TBC1D30: variants seen among roughly 807,000 people sequenced by gnomAD.
The protein encoded by TBC1D30 is TBC1 domain family member 30.
TBC1D30 carries 31 observed loss-of-function variants against 63.2 expected under a neutral mutation model. That is an observed-to-expected ratio of 0.49 (90% CI 0.37 to 0.66). The LOEUF (loss-of-function observed/expected upper bound fraction) is 0.66, where lower values mean the gene tolerates loss of function less well. TBC1D30 is among the 30% of genes least tolerant of loss of function. The probability of loss-of-function intolerance (pLI) is 0.00; values close to 1 mark genes in which losing one functional copy is unlikely to be tolerated. For synonymous variants in TBC1D30, 307 were observed against 361.5 expected (o/e 0.85, Z 1.71); for missense variants, 810 against 953.6 (o/e 0.85, Z 1.98).
At chr12:64,807,124 G>C (rs1381914578) in intron 2 of TBC1D30, among the ~76,000 whole-genome samples, 1 of 152,156 alleles carries the variant, frequency 6.6e-6, no homozygotes, top group Admixed American at 6.5e-5. Context: ...GGACCCAGTG[G>C]GAGGTGACTG....
rs11833898 is a variant in TBC1D30, at chr12:64,765,144, G to A, written c.-376+5495G>A. ...TCAACACTCTTTCAGGGAAGACTAC[G>A]AAACCTAGATATTCAACAATATGAA... On this transcript the variant is annotated intron_variant, in intron 1 of 13. Transcript: ENST00000674237. Among the ~76,000 whole-genome samples, 1,124 of 152,256 alleles carry A rather than the reference G, an allele frequency of 7.4e-3. 16 individuals carry two copies. The highest frequency in any genetic ancestry group is 0.025 in the African/African-American group (1,048 of 41,534).
At chr12:64,765,001 T>C (rs1870651964) in intron 1 of TBC1D30, among the ~76,000 whole-genome samples, 2 of 152,158 alleles carry the variant, frequency 1.3e-5, no homozygotes, top group Admixed American at 1.3e-4. Context: ...GCCCTAATAG[T>C]GGAGCTAAAC....
Position 64,842,025 on chromosome 12 carries a change from A to G in TBC1D30, c.933-1355A>G, listed in dbSNP as rs377241334. Among the ~76,000 whole-genome samples the G allele has an allele frequency of 3.9e-5, 6 of 151,904 alleles. No homozygotes were observed. In the South Asian group the frequency reaches 1.0e-3, roughly 26 times the overall value. ...TAGGTCTTCTGGTTGGTGGGAAACT[A>G]GAGTTATCCTACAATACAAACAACG... On this transcript the variant is annotated intron_variant, in intron 7 of 11. Coordinates refer to ENST00000539867, the MANE Select transcript of TBC1D30 (RefSeq NM_015279.2).
intron 8 of TBC1D30, among the ~76,000 whole-genome samples, chr12:64,863,725 C>G (rs1392072070): frequency 6.6e-6 from 1 of 152,212 alleles, no homozygotes; most frequent in Non-Finnish European, 1.5e-5. Flanking sequence ...GCATCACAAT[C>G]AAACTCCTTT....
intron 6 of TBC1D30, among the ~76,000 whole-genome samples, chr12:64,837,572 G>A (rs1487132816): frequency 6.6e-6 from 1 of 152,112 alleles, no homozygotes. Context: ...ATAGGAGGCA[G>A]AGCTCAGGTA....
At chr12:64,840,507 G>T (rs571677857) in intron 7 of TBC1D30, among the ~76,000 whole-genome samples, 1 of 152,254 alleles carries the variant, frequency 6.6e-6, no homozygotes, top group South Asian at 2.1e-4. Flanking sequence ...AATAATAGCT[G>T]CAACAAAAGC....
At position 64,825,183 on chromosome 12, in the gene TBC1D30, G is replaced by C. The variant is rs1317631183; in HGVS notation, c.154+150G>C. ...GGGGCACCGCGTTGGCACCTGCAGG[G>C]AGCGATTGGTCTGGAAGGGTAGAGG... On this transcript the variant is annotated intron_variant, in intron 1 of 11. Coordinates refer to ENST00000539867, the MANE Select transcript of TBC1D30 (RefSeq NM_015279.2). 2.4e-6 allele frequency: 3 copies of C among 1,227,820 alleles called. No homozygotes were observed. The South Asian group carries it at 5.0e-5, about 20-fold the overall frequency. The allele number at this position is 1,227,820 out of a possible 1,614,324, so 76.1% of individuals were successfully genotyped here. A position where few individuals can be genotyped will look rare whatever the true frequency, so the allele number is the denominator to read the frequency against.
At chr12:64,820,243 A>G (rs1260703047), upstream of TBC1D30, among the ~76,000 whole-genome samples, 1 of 152,098 alleles carries the variant, frequency 6.6e-6, no homozygotes, top group African/African-American at 2.4e-5. Context: ...CATAGTTTTT[A>G]TTCCTTGTGT....
chr12:64,858,719 GCTGTATATTAA>G (rs1212375079), intron 8 of TBC1D30, among the ~76,000 whole-genome samples: 3 of 152,168 alleles, frequency 2.0e-5, no homozygotes, highest in Non-Finnish European at 4.4e-5. Context: ...GATTTTCTAT[GCTGTATATTAA>G]CTTCTCCAAA....
At position 64,824,938 on chromosome 12, in the gene TBC1D30, A is replaced by G. The variant is rs947277393; in HGVS notation, c.59A>G (p.Gln20Arg). Reference protein sequence around the residue: ...LRRGGRCLKRQGGGVGTILSN... With the variant: ...LRRGGRCLKRRGGGVGTILSN... ...CGCGGGGGGAGATGCCTGAAGCGGC[A>G]GGGCGGCGGCGTGGGCACCATCCTG... The change falls in exon 1 of 12, where the codon CAG becomes CGG. Residue 20 changes from glutamine to arginine, a missense_variant. This residue lies in a region of TBC1D30 where 272 missense variants were observed against 335.9 expected (regional missense o/e 0.81). Transcript: ENST00000539867. 1 of 1,534,620 alleles carries G rather than the reference A, an allele frequency of 6.5e-7. No individual in the cohort carries two copies. The highest frequency in any genetic ancestry group is 2.0e-5 in the Admixed American group (1 of 50,948).
upstream of TBC1D30, among the ~76,000 whole-genome samples, chr12:64,823,478 T>C (rs1467758355): frequency 6.6e-6 from 1 of 152,198 alleles, no homozygotes; most frequent in East Asian, 1.9e-4. Context: ...TTTATTCATT[T>C]ATAGTCAGGG....
chr12:64,848,164 T>C (rs1206895737), intron 8 of TBC1D30, among the ~76,000 whole-genome samples: 1 of 152,094 alleles, frequency 6.6e-6, no homozygotes, highest in Non-Finnish European at 1.5e-5. Flanking sequence ...TTAATTTTTG[T>C]CTTGAAATCT....
chr12:64,776,031 G>C (rs1871068632), upstream of TBC1D30, among the ~76,000 whole-genome samples: 1 of 152,176 alleles, frequency 6.6e-6, no homozygotes, highest in Admixed American at 6.5e-5. Flanking sequence ...TGACTTTTGA[G>C]TAAATAAATG....
rs1874936949 is a variant in TBC1D30, at chr12:64,832,272, G to T, written c.562G>T (p.Val188Leu). Residue 188 changes from valine to leucine, a missense_variant, in exon 5 of 12, where the codon GTG becomes TTG. Physicochemically the swap from Val to Leu is conservative, Grantham distance 32. Coordinates refer to ENST00000539867, the MANE Select transcript of TBC1D30 (RefSeq NM_015279.2). ...FNILAALILE[V>L]MEGNEGDALK... ...CATCCTGGCTGCACTAATTCTGGAAGTGATGGAAGGCAATGAAGGGGATGC... is the reference window on the plus strand; with the variant it reads ...CATCCTGGCTGCACTAATTCTGGAATTGATGGAAGGCAATGAAGGGGATGC... 6.5e-7 allele frequency: 1 copy of T among 1,536,142 alleles called. No individual in the cohort carries two copies. Among genetic ancestry groups the T allele is most frequent in the Non-Finnish European group, 8.7e-7 (1 of 1,146,904 alleles).
At chr12:64,812,728 A>T (rs1263222308) in intron 2 of TBC1D30, among the ~76,000 whole-genome samples, 1 of 152,052 alleles carries the variant, frequency 6.6e-6, no homozygotes, top group Non-Finnish European at 1.5e-5. Context: ...AAAATTACTC[A>T]CTTAAACTTT....
intron 4 of TBC1D30, among the ~76,000 whole-genome samples, chr12:64,831,013 C>T (rs1300994034): frequency 1.3e-5 from 2 of 152,186 alleles, no homozygotes; most frequent in Admixed American, 6.5e-5. Flanking sequence ...TACAGTTGAA[C>T]AGAGCCTGGT....
chr12:64,808,097 C>G (rs1872990956), intron 2 of TBC1D30, among the ~76,000 whole-genome samples: 1 of 151,864 alleles, frequency 6.6e-6, no homozygotes, highest in African/African-American at 2.4e-5. Context: ...TGCTGTTTGA[C>G]TCTCCACCTT....
At chr12:64,826,483 A>G (rs1049966706) in intron 1 of TBC1D30, among the ~76,000 whole-genome samples, 1 of 152,170 alleles carries the variant, frequency 6.6e-6, no homozygotes, top group Non-Finnish European at 1.5e-5. Context: ...AGCAAACGTC[A>G]TGATTATACG....
rs551764271 is a variant in TBC1D30, at chr12:64,791,167, G to T, written c.643+5122G>T. On this transcript the variant is annotated intron_variant, in intron 2 of 12. Transcript: ENST00000542120. ...ATAAACCTTGAAAACATTATTCTAA[G>T]TGAAAGAAGCCAGACAAAAAAATTA... Among the ~76,000 whole-genome samples, 20 of 152,290 alleles carry T rather than the reference G, an allele frequency of 1.3e-4. No individual in the cohort carries two copies. In the South Asian group the frequency reaches 4.1e-3, roughly 32 times the overall value.
Sources: gnomAD v4.1 joint callset for allele counts (sites outside exome capture counted in the v4.1 genomes callset) on GRCh38, gnomAD v4.1.1 for gene constraint, gnomAD v4.1.1 regional missense constraint, MANE v1.5 for transcripts, NCBI Gene and HGNC (gene_info 2026-07-23, HGNC 2026-07-21) for gene names.